The following ERG variants were observed in gnomAD, a reference collection of about 807,000 sequenced individuals.
ERG encodes the protein transcriptional regulator ERG.
In ERG, 9 loss-of-function variants were observed where a neutral mutation model predicts 55.3. The observed-to-expected ratio is 0.16, with a 90% CI of 0.10 to 0.28. ERG has a LOEUF of 0.28. Ranked by LOEUF, ERG falls within the 10% of genes least tolerant of loss-of-function variation. The pLI is 1.00. For synonymous variants in ERG, 223 were observed against 237.3 expected, an observed-to-expected ratio of 0.94 and a Z score of 0.55; for missense variants, 434 against 631.6, an observed-to-expected ratio of 0.69 and a Z score of 3.35.
chr21:38,489,374 C>A (rs896212209), intron 1 of ERG, among the ~76,000 whole-genome samples: 1 of 152,166 alleles, frequency 6.6e-6, no homozygotes, highest in African/African-American at 2.4e-5. Context: ...GCACAAGAAA[C>A]AAAGAAGTGG....
chr21:38,486,383 C>A (rs778983587), intron 1 of ERG, among the ~76,000 whole-genome samples: 1 of 152,196 alleles, frequency 6.6e-6, no homozygotes, highest in Non-Finnish European at 1.5e-5. Flanking sequence ...CTGTAGCCTA[C>A]GTGTGCAGCC....
At chr21:38,437,631 A>C (rs1427930750) in intron 2 of ERG, among the ~76,000 whole-genome samples, 1 of 152,208 alleles carries the variant, frequency 6.6e-6, no homozygotes, top group African/African-American at 2.4e-5. Context: ...CTCTATGCTC[A>C]TGAGGATTCC....
chr21:38,436,322 T>A (rs2058789852), intron 2 of ERG, among the ~76,000 whole-genome samples: 1 of 152,188 alleles, frequency 6.6e-6, no homozygotes, highest in African/African-American at 2.4e-5. Flanking sequence ...TGAACTGACC[T>A]GATGTGATAA....
intron 1 of ERG, among the ~76,000 whole-genome samples, chr21:38,474,995 T>C (rs1254621405): frequency 6.6e-6 from 1 of 152,148 alleles, no homozygotes; most frequent in Admixed American, 6.5e-5. Flanking sequence ...GCTACCATTA[T>C]GCCCATTTTA....
At chr21:38,415,205 ACT>A (rs563452252) in intron 3 of ERG, among the ~76,000 whole-genome samples, 22 of 152,060 alleles carry the variant, frequency 1.4e-4, no homozygotes, top group African/African-American at 4.8e-4. Flanking sequence ...ATATTTGGCA[ACT>A]CTCTTAGCGT....
chr21:38,423,906 G>A (rs571438300), intron 2 of ERG, among the ~76,000 whole-genome samples: 1 of 152,290 alleles, frequency 6.6e-6, no homozygotes, highest in East Asian at 1.9e-4. Context: ...AATCCGGGAG[G>A]TGGAGGTTGC....
intron 1 of ERG, among the ~76,000 whole-genome samples, chr21:38,472,572 G>C (rs1209753786): frequency 1.3e-5 from 2 of 152,294 alleles, no homozygotes; most frequent in African/African-American, 4.8e-5. Context: ...GCTCCCACGT[G>C]AGGTGGCAAT....
chr21:38,449,735 G>A (rs181028359), intron 1 of ERG, among the ~76,000 whole-genome samples: 4 of 152,078 alleles, frequency 2.6e-5, no homozygotes, highest in Non-Finnish European at 5.9e-5. Flanking sequence ...GAAAATAAAG[G>A]CCCAAAATTG....
intron 6 of ERG, among the ~76,000 whole-genome samples, chr21:38,394,561 C>T (rs1186551655): frequency 6.6e-6 from 1 of 152,062 alleles, no homozygotes; most frequent in Non-Finnish European, 1.5e-5. Context: ...ATGCTGTTAG[C>T]CAGGATGGTC....
intron 1 of ERG, among the ~76,000 whole-genome samples, chr21:38,469,303 C>T (rs1337472444): frequency 1.3e-5 from 2 of 152,130 alleles, no homozygotes; most frequent in Non-Finnish European, 2.9e-5. Context: ...TATCTCTCCC[C>T]GTGATAAAAT....
At chr21:38,531,189 AT>A (rs1177786162) in intron 2 of ERG, among the ~76,000 whole-genome samples, 1 of 152,166 alleles carries the variant, frequency 6.6e-6, no homozygotes. Context: ...AGTAGTGTAG[AT>A]TCCCCACAGA....
intron 9 of ERG, among the ~76,000 whole-genome samples, chr21:38,388,041 GGACTCCC>G (rs1987785809): frequency 1.3e-5 from 2 of 152,332 alleles, no homozygotes; most frequent in African/African-American, 4.8e-5. Flanking sequence ...CCTCCCTGGG[GGACTCCC>G]ACTGGAAGAC....
At chr21:38,481,370 T>A (rs1205577142) in intron 1 of ERG, among the ~76,000 whole-genome samples, 1 of 152,198 alleles carries the variant, frequency 6.6e-6, no homozygotes, top group African/African-American at 2.4e-5. Context: ...AATGGTGATA[T>A]GAATTCTTAA....
intron 2 of ERG, among the ~76,000 whole-genome samples, chr21:38,542,668 C>T (rs1352327717): frequency 2.6e-5 from 4 of 152,078 alleles, no homozygotes; most frequent in African/African-American, 2.4e-5. Flanking sequence ...GCATGGCTAA[C>T]GAAATGCATT....
intron 2 of ERG, among the ~76,000 whole-genome samples, chr21:38,565,899 A>G (rs1282142861): frequency 6.6e-6 from 1 of 152,206 alleles, no homozygotes; most frequent in Non-Finnish European, 1.5e-5. Flanking sequence ...GAATGATTAG[A>G]TTGAAATTGG....
chr21:38,570,442 C>T (rs2059950478), intron 2 of ERG, among the ~76,000 whole-genome samples: 1 of 152,202 alleles, frequency 6.6e-6, no homozygotes, highest in Non-Finnish European at 1.5e-5. Flanking sequence ...TTTCACTCCA[C>T]TCAGTGTTTT....
At chr21:38,614,472 C>T (rs1284394127) in intron 1 of ERG, among the ~76,000 whole-genome samples, 1 of 152,106 alleles carries the variant, frequency 6.6e-6, no homozygotes, top group Non-Finnish European at 1.5e-5. Context: ...TTAGGGACAC[C>T]CTCCTACCTC....
At chr21:38,592,222 T>C (rs764956660) in intron 1 of ERG, among the ~76,000 whole-genome samples, 1 of 152,236 alleles carries the variant, frequency 6.6e-6, no homozygotes, top group Admixed American at 6.5e-5. Context: ...GGGGAGTCCC[T>C]GAATGCAGAG....
At chr21:38,421,746 C>T (rs1487302786) in intron 3 of ERG, among the ~76,000 whole-genome samples, 2 of 152,240 alleles carry the variant, frequency 1.3e-5, no homozygotes, top group Non-Finnish European at 2.9e-5. Flanking sequence ...TTAATATTCA[C>T]TGAGCACCTC....
Sources: gnomAD v4.1 joint callset for allele counts (sites outside exome capture counted in the v4.1 genomes callset) on GRCh38, gnomAD v4.1.1 for gene constraint, MANE v1.5 for transcripts, NCBI Gene and HGNC (gene_info 2026-07-23, HGNC 2026-07-21) for gene names.